Variants in TECRL observed in about 807,000 individuals in gnomAD.
TECRL encodes trans-2,3-enoyl-CoA reductase like.
A neutral mutation model predicts 52.8 loss-of-function variants in TECRL; 63 were observed. The observed-to-expected ratio is 1.19, with a 90% confidence interval of 0.97 to 1.47. The LOEUF (loss-of-function observed/expected upper bound fraction) is 1.47. Among genes scored for constraint, TECRL ranks in the 40% most tolerant of loss-of-function variants. The pLI, the probability that TECRL is intolerant of heterozygous loss-of-function variation, is 0.00. For missense variants in TECRL, 482 were observed against 429.6 expected, an observed-to-expected ratio of 1.12 and a Z score of -1.08; for synonymous variants, 164 against 141.9, an observed-to-expected ratio of 1.16 and a Z score of -1.10.
chr4:64,319,227 G>A (rs112397397), intron 4 of TECRL, among the ~76,000 whole-genome samples: 2,494 of 151,748 alleles, frequency 0.016, 34 homozygotes, highest in Middle Eastern at 0.038. Context: ...AAGAAAAAAA[G>A]AGAAATAAGG....
intron 1 of TECRL, among the ~76,000 whole-genome samples, chr4:64,396,063 C>T (rs1723928975): frequency 1.3e-5 from 2 of 152,084 alleles, no homozygotes; most frequent in African/African-American, 2.4e-5. Context: ...TGACTATATC[C>T]AGTCTATCAC....
At position 64,409,332 on chromosome 4, in the gene TECRL, G is replaced by A; in HGVS notation, c.20C>T (p.Ser7Phe). The A allele has an allele frequency of 2.5e-6, 4 of 1,613,350 alleles. No homozygotes were observed. The highest frequency in any genetic ancestry group is 3.4e-6 in the Non-Finnish European group (4 of 1,179,544). Residue 7 changes from serine (S) to phenylalanine (F), a missense_variant, in exon 1 of 12, where the codon TCC (serine) becomes TTC (phenylalanine). Physicochemically the swap from Ser to Phe is radical, Grantham distance 155. Transcript: ENST00000381210. The part of the protein sequence containing the change: MFKRHK[S>F]LASERKRALL... ...TGCTCTCTTGCGTTCCGAAGCGAGG[G>A]ACTTGTGCCTTTTGAACATTGTGTG...
At chr4:64,321,804 A>ATAT (rs1270108135) in intron 4 of TECRL, among the ~76,000 whole-genome samples, 2 of 152,168 alleles carry the variant, frequency 1.3e-5, no homozygotes, top group African/African-American at 4.8e-5. Flanking sequence ...AGCCAAAATA[A>ATAT]TATTTTCACA....
intron 2 of TECRL, among the ~76,000 whole-genome samples, chr4:64,332,717 G>T (rs1219946491): frequency 1.3e-5 from 2 of 152,154 alleles, no homozygotes; most frequent in African/African-American, 4.8e-5. Flanking sequence ...AGTATAGTAA[G>T]TGGGTTTATG....
At chr4:64,350,519 A>G (rs1237699110) in intron 2 of TECRL, among the ~76,000 whole-genome samples, 4 of 152,132 alleles carry the variant, frequency 2.6e-5, no homozygotes. Flanking sequence ...ATTTTATTAT[A>G]TTTTATTCTT....
chr4:64,303,544 G>A (rs1187715846), intron 7 of TECRL, among the ~76,000 whole-genome samples: 1 of 151,676 alleles, frequency 6.6e-6, no homozygotes, highest in Non-Finnish European at 1.5e-5. Context: ...TATTTGCTGA[G>A]TAAATTTGGA....
intron 2 of TECRL, among the ~76,000 whole-genome samples, chr4:64,335,297 C>T (rs1318230867): frequency 6.6e-6 from 1 of 152,140 alleles, no homozygotes; most frequent in Non-Finnish European, 1.5e-5. Context: ...AGCACCTACC[C>T]TATTGTGGAC....
At chr4:64,342,804 T>C (rs1400498297) in intron 2 of TECRL, among the ~76,000 whole-genome samples, 1 of 152,152 alleles carries the variant, frequency 6.6e-6, no homozygotes, top group Non-Finnish European at 1.5e-5. Context: ...TATTAAATTA[T>C]AGTTTTAAAG....
chr4:64,313,171 A>G (rs1245906007), intron 5 of TECRL, among the ~76,000 whole-genome samples: 2 of 152,168 alleles, frequency 1.3e-5, no homozygotes, highest in African/African-American at 2.4e-5. Flanking sequence ...GGTAGGCAAA[A>G]CTTGATTCGA....
chr4:64,308,034 C>A (rs1724440217), intron 6 of TECRL, among the ~76,000 whole-genome samples: 1 of 152,108 alleles, frequency 6.6e-6, no homozygotes, highest in Non-Finnish European at 1.5e-5. Context: ...TGGAACAACA[C>A]CCTCTCACAG....
intron 2 of TECRL, among the ~76,000 whole-genome samples, chr4:64,337,985 G>A (rs1198994637): frequency 1.3e-5 from 2 of 152,094 alleles, no homozygotes; most frequent in Non-Finnish European, 2.9e-5. Context: ...ACAATCCTAA[G>A]CCAAAAGAAC....
intron 6 of TECRL, 142 bp downstream of exon 6, chr4:64,309,684 T>G: frequency 6.0e-6 from 4 of 670,526 alleles, no homozygotes; most frequent in South Asian, 5.1e-5. Context: ...AGAATGACAT[T>G]TTAGGAAAAG....
chr4:64,360,691 G>A (rs1721117967), intron 2 of TECRL, among the ~76,000 whole-genome samples: 1 of 152,082 alleles, frequency 6.6e-6, no homozygotes, highest in African/African-American at 2.4e-5. Flanking sequence ...GAAGGAACTG[G>A]GAACTCTTCA....
At chr4:64,336,399 CTCT>C (rs771140093) in intron 2 of TECRL, among the ~76,000 whole-genome samples, 16 of 151,682 alleles carry the variant, frequency 1.1e-4, no homozygotes, top group Non-Finnish European at 2.2e-4. Context: ...TGAATCTTCT[CTCT>C]TCTTTATTAG....
chr4:64,285,925 G>T (rs1428777809), intron 9 of TECRL, among the ~76,000 whole-genome samples: 4 of 152,024 alleles, frequency 2.6e-5, no homozygotes, highest in Non-Finnish European at 4.4e-5. Flanking sequence ...GTTAGAGGAT[G>T]AGAAGACACG....
chr4:64,382,248 T>C (rs1722860550), intron 1 of TECRL, among the ~76,000 whole-genome samples: 1 of 143,418 alleles, frequency 7.0e-6, no homozygotes, highest in Non-Finnish European at 1.5e-5. Context: ...ATTATGTATA[T>C]ATAATATATA....
Position 64,280,203 on chromosome 4 carries a change from G to A in TECRL, c.965-4C>T. On this transcript the variant is annotated splice_region_variant and splice_polypyrimidine_tract_variant and intron_variant, in intron 11 of 11. Transcript: ENST00000381210. ...ATCAGAAGTGTAAAAATTCCAACTA[G>A]AAGAAAAAAGAAATAATTATTATTT... 2 of 1,482,316 alleles carry A rather than the reference G, an allele frequency of 1.3e-6. No homozygotes were observed. Among genetic ancestry groups the A allele is most frequent in the Non-Finnish European group, 1.8e-6 (2 of 1,112,514 alleles). 91.8% of individuals were successfully genotyped at this position (1,482,316 alleles called of 1,614,324 possible).
At chr4:64,345,539 G>A (rs569534863) in intron 2 of TECRL, among the ~76,000 whole-genome samples, 23 of 128,188 alleles carry the variant, frequency 1.8e-4, no homozygotes, top group Non-Finnish European at 1.9e-4. Flanking sequence ...ATCACACACC[G>A]GGGCCTGTTG....
chr4:64,346,507 C>T lies in TECRL; in HGVS notation c.287-17951G>A, dbSNP rs181093968. ...CTGTGTACCTGCAGGCTCAACACCA[C>T]GTGCAAGCTGCCAAGCCTAGGGGCT... On this transcript the variant is annotated intron_variant, in intron 2 of 11. Transcript: ENST00000381210. Among the ~76,000 whole-genome samples the T allele has an allele frequency of 2.8e-3, 420 of 152,388 alleles. 1 individual carries two copies. The highest frequency in any genetic ancestry group is 3.2e-3 in the Non-Finnish European group (221 of 68,048).
Sources: gnomAD v4.1 joint callset for allele counts (sites outside exome capture counted in the v4.1 genomes callset) on GRCh38, gnomAD v4.1.1 for gene constraint, MANE v1.5 for transcripts, NCBI Gene and HGNC (gene_info 2026-07-23, HGNC 2026-07-21) for gene names.